The following DHRS7 variants were observed in gnomAD, a reference collection of about 807,000 sequenced individuals.
DHRS7 encodes dehydrogenase/reductase 7.
DHRS7 carries 34 observed loss-of-function variants against 38.9 expected under a neutral mutation model. The ratio of observed to expected loss-of-function variants is 0.87; its 90% CI spans 0.66 to 1.16. The LOEUF is 1.16. Among genes scored for constraint, DHRS7 ranks in the 50% most tolerant of loss-of-function variants. The pLI is 0.00. For synonymous variants in DHRS7, 158 were observed against 153.1 expected, an observed-to-expected ratio of 1.03 and a Z score of -0.24; for missense variants, 421 against 407.0, an observed-to-expected ratio of 1.03 and a Z score of -0.30.
chr14:60,166,548 TTAAA>T (rs1346236356), upstream of DHRS7, among the ~76,000 whole-genome samples: 2 of 152,332 alleles, frequency 1.3e-5, no homozygotes, highest in East Asian at 3.9e-4. Flanking sequence ...TTGTTTTTCT[TTAAA>T]TGTTTTGAAG....
In DHRS7 at chr14:60,144,974, G is replaced by A. The variant is rs968607878; in HGVS notation, c.1012C>T (p.His338Tyr). Residue 338 changes from histidine to tyrosine, a missense_variant, in exon 7 of 7, where the codon CAT (histidine) becomes TAT (tyrosine). His to Tyr is a moderately conservative substitution (Grantham distance 83). Coordinates refer to ENST00000557185, the MANE Select transcript of DHRS7 (RefSeq NM_016029.4). ...SSYFKIFKTK[H>Y]D ...AAGTACAGGTGCTCTTTTCAGTCAT[G>A]TTTTGTCTTAAAGATTTTAAAATAA... is the stretch of plus-strand genomic sequence containing the variant. 61 of 1,604,438 alleles carry A rather than the reference G, an allele frequency of 3.8e-5. No individual in the cohort carries two copies. Among genetic ancestry groups the A allele is most frequent in the Non-Finnish European group, 5.1e-5 (60 of 1,177,060 alleles).
chr14:60,160,671 C>T (rs1046865379), intron 1 of DHRS7, among the ~76,000 whole-genome samples: 8 of 152,106 alleles, frequency 5.3e-5, no homozygotes, highest in Non-Finnish European at 7.4e-5. Context: ...GCAACCTCCA[C>T]GGCTCAGGCT....
At chr14:60,151,536 CA>C (rs374087187) in intron 4 of DHRS7, among the ~76,000 whole-genome samples, 3,229 of 111,190 alleles carry the variant, frequency 0.029, 91 homozygotes, top group African/African-American at 0.079. Context: ...GAGATGAACC[CA>C]AAAAAAAAAA....
chr14:60,150,036 T>G (rs772790782), intron 5 of DHRS7, 29 bp downstream of exon 5: 1 of 1,592,894 alleles, frequency 6.3e-7, no homozygotes, highest in Admixed American at 1.9e-5. Context: ...TAGTAAACAT[T>G]CAAATTATTC....
At position 60,153,964 on chromosome 14, in the gene DHRS7, C is replaced by A; in HGVS notation, c.388G>T (p.Gly130Cys). 6.2e-7 allele frequency: 1 copy of A among 1,613,822 alleles called. No individual in the cohort carries two copies. The highest frequency in any genetic ancestry group is 1.1e-5 in the South Asian group (1 of 91,072). ...CAATATAAGATGCTACTTACTCTAC[C>A]AAACTCCTGGAGAACAGCTTTGGTA... is the stretch of plus-strand genomic sequence containing the variant. ...AATKAVLQEF[G>C]RIDILVNNGG... The change falls in exon 3 of 7, where the codon GGT (glycine) becomes TGT (cysteine). Residue 130 changes from glycine (G) to cysteine (C), a missense_variant. Physicochemically the swap from Gly to Cys is radical, Grantham distance 159. Transcript: ENST00000557185. This position sits in a 1 kb window ranked among gnomAD's most constrained non-coding sequence, Gnocchi z 4.4.
chr14:60,148,672 G>T lies in DHRS7; in HGVS notation c.972+681C>A, dbSNP rs946706543. The stretch of plus-strand genomic sequence containing the variant: ...AAGCATAGGGGCTGAGGTGCACTTG[G>T]TCCTGGGGAGAAGTGGGAGGGAAGG... On this transcript the variant is annotated intron_variant, in intron 6 of 6. Coordinates refer to ENST00000557185, the MANE Select transcript of DHRS7 (RefSeq NM_016029.4). The surrounding 1 kb of genome is among the most constrained non-coding windows in gnomAD (Gnocchi z 4.8). 6.6e-6 allele frequency among the ~76,000 whole-genome samples: 1 copy of T among 152,138 alleles called. No homozygotes were observed. Among genetic ancestry groups the T allele is most frequent in the Admixed American group, 6.5e-5 (1 of 15,276 alleles).
At chr14:60,169,132 C>CAAAA (rs1566539341), upstream of DHRS7, 1 of 31,096 alleles carries the variant, frequency 3.2e-5, no homozygotes, top group African/African-American at 1.6e-4. Flanking sequence ...ACAAAAGAAA[C>CAAAA]CAAAAAAAAA....
At chr14:60,159,226 C>A in intron 1 of DHRS7, 1 of 373,136 alleles carries the variant, frequency 2.7e-6, no homozygotes, top group South Asian at 2.2e-5. Flanking sequence ...AAGAAAATCT[C>A]AAGCTAAAAT....
At chr14:60,168,600 G>A, upstream of DHRS7, 1 of 1,429,058 alleles carries the variant, frequency 7.0e-7, no homozygotes, top group East Asian at 2.6e-5. Context: ...AAAAAATTAG[G>A]TTAAATTTCT....
At chr14:60,159,933 T>C (rs146740539) in intron 1 of DHRS7, among the ~76,000 whole-genome samples, 393 of 152,358 alleles carry the variant, frequency 2.6e-3, no homozygotes, top group African/African-American at 7.8e-3. Flanking sequence ...GAATTGCTGG[T>C]TTCTCTTTAA....
At chr14:60,158,078 C>A (rs1193544057) in intron 1 of DHRS7, among the ~76,000 whole-genome samples, 1 of 151,684 alleles carries the variant, frequency 6.6e-6, no homozygotes, top group Non-Finnish European at 1.5e-5. Flanking sequence ...ATGAAAAATA[C>A]AAAAATTAGC....
chr14:60,157,045 T>C (rs1357276092), intron 1 of DHRS7, among the ~76,000 whole-genome samples: 1 of 152,250 alleles, frequency 6.6e-6, no homozygotes, highest in African/African-American at 2.4e-5. Context: ...AAATATATGT[T>C]ATTTATCAAA....
rs1270712962 is a variant in DHRS7, at chr14:60,150,170, AAGGCCATTAAAAAAACCCTAAC to A, written c.634-5_650del. The A allele has an allele frequency of 1.3e-6, 2 of 1,520,378 alleles. No individual in the cohort carries two copies. Among genetic ancestry groups the A allele is most frequent in the Non-Finnish European group, 1.8e-6 (2 of 1,139,528 alleles). The allele number at this position is 1,520,378 out of a possible 1,614,324, so 94.2% of individuals were successfully genotyped here. On this transcript the variant is annotated splice_acceptor_variant and splice_polypyrimidine_tract_variant and coding_sequence_variant and intron_variant, in exon 5 of 7. Coordinates refer to ENST00000557185, the MANE Select transcript of DHRS7 (RefSeq NM_016029.4). LOFTEE classifies it high-confidence loss of function. ...CTGGGTATGTGGCAAGTTCTGTTCG[AAGGCCATTAAAAAAACCCTAAC>A]AGACAAAAAAAAAAAAAAAGGAAAA...
chr14:60,156,152 T>A lies in DHRS7; in HGVS notation c.134A>T (p.Glu45Val). Residue 45 changes from glutamate (E) to valine (V), a missense_variant and splice_region_variant, in exon 2 of 7, where the codon GAA (glutamate) becomes GTA (valine). Coordinates refer to ENST00000557185, the MANE Select transcript of DHRS7 (RefSeq NM_016029.4). ...CACCACCATATCAGTCAGCTCCCAT[T>A]CTATGGAAGGAATGTAAATGGAAGG... ...LWAEWQGRRP[E>V]WELTDMVVWV... The A allele has an allele frequency of 6.4e-7, 1 of 1,565,450 alleles. No individual in the cohort carries two copies. Among genetic ancestry groups the A allele is most frequent in the South Asian group, 1.2e-5 (1 of 83,670 alleles).
At chr14:60,165,466 C>A, upstream of DHRS7, 2 of 1,357,006 alleles carry the variant, frequency 1.5e-6, no homozygotes, top group Non-Finnish European at 1.9e-6. The surrounding 1 kb of genome is among the most constrained non-coding windows in gnomAD (Gnocchi z 4.6). Flanking sequence ...GCGGCTCGGG[C>A]GCGCCGGGCT....
chr14:60,162,215 A>G lies in DHRS7; in HGVS notation c.133+2962T>C, dbSNP rs908113487. ...ATAGTGAGAGCCTGTTTCTACAAAAAGTTTAAAAATATCCAGGTGTGGTGG... is the reference window on the plus strand; with the variant it reads ...ATAGTGAGAGCCTGTTTCTACAAAAGGTTTAAAAATATCCAGGTGTGGTGG... On this transcript the variant is annotated intron_variant, in intron 1 of 6. Transcript: ENST00000557185. The surrounding 1 kb of genome is among the most constrained non-coding windows in gnomAD (Gnocchi z 4.5). Among the ~76,000 whole-genome samples, 1 of 152,070 alleles carries G rather than the reference A, an allele frequency of 6.6e-6. No individual in the cohort carries two copies. The highest frequency in any genetic ancestry group is 2.4e-5 in the African/African-American group (1 of 41,390).
At chr14:60,160,014 A>C (rs1032383880) in intron 1 of DHRS7, among the ~76,000 whole-genome samples, 1 of 152,238 alleles carries the variant, frequency 6.6e-6, no homozygotes, top group Admixed American at 6.5e-5. Context: ...ATCTGGGAAG[A>C]TAATTTTTTG....
intron 4 of DHRS7, among the ~76,000 whole-genome samples, chr14:60,151,350 C>T (rs1194910733): frequency 6.6e-6 from 1 of 152,098 alleles, no homozygotes; most frequent in Non-Finnish European, 1.5e-5. Flanking sequence ...AGGAAATGTT[C>T]CAAGACTACA....
Position 60,153,292 on chromosome 14 carries a change from G to A in DHRS7, c.394-114C>T. ...AACTTAAAGAATCAATGGAACAATG[G>A]TATATTTCCAGAAGTCAGCAATTAA... On this transcript the variant is annotated intron_variant, in intron 3 of 6. Coordinates refer to ENST00000557185, the MANE Select transcript of DHRS7 (RefSeq NM_016029.4). This position sits in a 1 kb window ranked among gnomAD's most constrained non-coding sequence, Gnocchi z 4.4. 8.2e-7 allele frequency: 1 copy of A among 1,220,304 alleles called. No homozygotes were observed. Among genetic ancestry groups the A allele is most frequent in the Non-Finnish European group, 1.1e-6 (1 of 879,934 alleles). 75.6% of individuals were successfully genotyped at this position (1,220,304 alleles called of 1,614,324 possible).
Sources: allele counts gnomAD v4.1 joint callset (sites outside exome capture counted in the v4.1 genomes callset), GRCh38; gene constraint gnomAD v4.1.1; non-coding constraint Gnocchi (gnomAD v3.1); transcripts MANE v1.5; gene names NCBI Gene and HGNC (gene_info 2026-07-23, HGNC 2026-07-21).